The following BCAS3 variants were observed in gnomAD, a reference collection of about 807,000 sequenced individuals.
The protein encoded by BCAS3 is BCAS4/BCAS3 fusion.
In BCAS3, 53 loss-of-function variants were observed where a neutral mutation model predicts 116.1. That is an observed-to-expected ratio of 0.46 (90% CI 0.37 to 0.57). The LOEUF (loss-of-function observed/expected upper bound fraction) is 0.57. Among genes scored for constraint, BCAS3 ranks in the 20% least tolerant of loss-of-function variants. The pLI is 0.00. For synonymous variants in BCAS3, 391 were observed against 408.2 expected, an observed-to-expected ratio of 0.96 and a Z score of 0.51; for missense variants, 917 against 1,165.4, an observed-to-expected ratio of 0.79 and a Z score of 3.10.
chr17:61,079,491 A>G (rs2072347110), intron 21 of BCAS3, among the ~76,000 whole-genome samples: 1 of 152,226 alleles, frequency 6.6e-6, no homozygotes, highest in South Asian at 2.1e-4. Flanking sequence ...AGATAAGCCT[A>G]GAGTACGGCC....
At chr17:61,351,548 C>T (rs1009058754) in intron 22 of BCAS3, among the ~76,000 whole-genome samples, 3 of 152,200 alleles carry the variant, frequency 2.0e-5, no homozygotes, top group Admixed American at 6.5e-5. Flanking sequence ...TCCTCTTATA[C>T]AGTGGAGAAA....
At position 61,068,594 on chromosome 17, in the gene BCAS3, T is replaced by C. The variant is rs112115997; in HGVS notation, c.2030-6326T>C. Among the ~76,000 whole-genome samples, 258 of 152,326 alleles carry C rather than the reference T, an allele frequency of 1.7e-3. 1 individual carries two copies. Among genetic ancestry groups the C allele is most frequent in the African/African-American group, 5.4e-3 (224 of 41,572 alleles). Reference sequence around the variant, plus strand: ...CACAGACCTGGCTGTACAGACACACTATGTGCACACCATTTCTACTCTTGT... The same window carrying C: ...CACAGACCTGGCTGTACAGACACACCATGTGCACACCATTTCTACTCTTGT... On this transcript the variant is annotated intron_variant, in intron 19 of 23. Transcript: ENST00000407086. The surrounding 1 kb of genome is among the most constrained non-coding windows in gnomAD (Gnocchi z 4.3).
intron 22 of BCAS3, chr17:61,159,565 C>T (rs1302722529): frequency 6.6e-6 from 1 of 152,156 alleles, no homozygotes; most frequent in Non-Finnish European, 1.5e-5. Context: ...TTTTAACATC[C>T]TTGAGGAGGT....
chr17:60,742,677 C>T (rs1268887809), intron 5 of BCAS3, among the ~76,000 whole-genome samples: 2 of 151,738 alleles, frequency 1.3e-5, no homozygotes, highest in Non-Finnish European at 1.5e-5. Flanking sequence ...AAGTGTTCCA[C>T]CCACCTTGGC....
At chr17:60,794,594 G>A (rs1273044274) in intron 6 of BCAS3, among the ~76,000 whole-genome samples, 3 of 152,150 alleles carry the variant, frequency 2.0e-5, no homozygotes, top group Non-Finnish European at 4.4e-5. Flanking sequence ...GGTGAGAGGT[G>A]AGGATCCAGT....
At chr17:60,881,566 A>G (rs1198061091) in intron 9 of BCAS3, among the ~76,000 whole-genome samples, 3 of 149,354 alleles carry the variant, frequency 2.0e-5, no homozygotes, top group Non-Finnish European at 4.5e-5. Context: ...CATTAGGTAT[A>G]TCTCGCAGTG....
chr17:60,840,121 A>G (rs559851069), intron 7 of BCAS3, among the ~76,000 whole-genome samples: 2 of 152,264 alleles, frequency 1.3e-5, no homozygotes, highest in African/African-American at 2.4e-5. Context: ...CCCAAATGTA[A>G]AGAAAAAACA....
intron 12 of BCAS3, among the ~76,000 whole-genome samples, chr17:60,917,179 C>G (rs932357053): frequency 6.6e-6 from 1 of 152,048 alleles, no homozygotes; most frequent in Non-Finnish European, 1.5e-5. Context: ...TATTATTTAA[C>G]AATATAAAAT....
Position 60,875,906 on chromosome 17 carries a change from A to G in BCAS3, c.661+1168A>G, listed in dbSNP as rs114102348. On this transcript the variant is annotated intron_variant, in intron 9 of 23. Transcript: ENST00000407086. ...CATTTATTATCTAGTTTCAACAACT[A>G]TCAAATAATGGACAGTCTTTTTCAT... Among the ~76,000 whole-genome samples the G allele has an allele frequency of 3.8e-3, 574 of 152,172 alleles. 3 individuals are homozygous for G. The highest frequency in any genetic ancestry group is 0.013 in the African/African-American group (544 of 41,582).
At position 61,038,031 on chromosome 17, in the gene BCAS3, T is replaced by G. The variant is rs2067179807; in HGVS notation, c.1905T>G (p.Pro635=). Residue 635 remains proline, a synonymous_variant, in exon 18 of 24, where the codon CCT becomes CCG. Coordinates refer to ENST00000407086, the MANE Select transcript of BCAS3 (RefSeq NM_017679.5). ...CACCACTGGAAATGATGACATCGCC[T>G]CGAGCCAGCTGGACTCTGGTTAGGT... ...DDTPLEMMTS[P]RASWTLVRTP... 6.2e-7 allele frequency: 1 copy of G among 1,614,036 alleles called. No individual in the cohort carries two copies. The highest frequency in any genetic ancestry group is 1.3e-5 in the African/African-American group (1 of 74,934).
intron 22 of BCAS3, among the ~76,000 whole-genome samples, chr17:61,172,409 G>A (rs562947245): frequency 1.3e-5 from 2 of 152,242 alleles, no homozygotes; most frequent in South Asian, 4.1e-4. Flanking sequence ...CGAGGCGGGC[G>A]GATCACGAGG....
In BCAS3 at chr17:61,381,009, G is replaced by T. The variant is rs190444547; in HGVS notation, c.2594-10968G>T. ...TGCTGTCTCTATTTTTACATCATTA[G>T]ATTAGCCCCGACTCCTGGCCACTTG... On this transcript the variant is annotated intron_variant, in intron 23 of 23. Coordinates refer to ENST00000407086, the MANE Select transcript of BCAS3 (RefSeq NM_017679.5). This position sits in a 1 kb window ranked among gnomAD's most constrained non-coding sequence, Gnocchi z 6.0. 1.3e-5 allele frequency among the ~76,000 whole-genome samples: 2 copies of T among 152,320 alleles called. No homozygotes were observed. Among genetic ancestry groups the T allele is most frequent in the East Asian group, 3.9e-4 (2 of 5,182 alleles).
In BCAS3 at chr17:61,339,292, C is replaced by T. The variant is rs956119311; in HGVS notation, c.2426-29035C>T. Among the ~76,000 whole-genome samples, 1 of 152,198 alleles carries T rather than the reference C, an allele frequency of 6.6e-6. No individual in the cohort carries two copies. The highest frequency in any genetic ancestry group is 2.4e-5 in the African/African-American group (1 of 41,444). ...TTCATCCCAGGTCACACCCAAAAGC[C>T]AATGAAGAAAGGGTTTTGGTTTGGT... On this transcript the variant is annotated intron_variant, in intron 22 of 23. Transcript: ENST00000407086. The surrounding 1 kb of genome is among the most constrained non-coding windows in gnomAD (Gnocchi z 4.4).
chr17:60,822,157 G>A (rs913380865), intron 7 of BCAS3, among the ~76,000 whole-genome samples: 89 of 152,146 alleles, frequency 5.8e-4, no homozygotes, highest in Admixed American at 1.6e-3. Context: ...TCACATGTTA[G>A]ATGCATGCTT....
rs60854011 is a variant in BCAS3 at position 60,770,834 on chromosome 17, G to GTTTTTTT, written c.403+23580_403+23586dup. Among the ~76,000 whole-genome samples, 72 of 76,780 alleles carry GTTTTTTT rather than the reference G, an allele frequency of 9.4e-4. 3 individuals carry two copies. The highest frequency in any genetic ancestry group is 1.9e-3 in the Non-Finnish European group (58 of 30,146). 50.4% of individuals were successfully genotyped at this position (76,780 alleles called of 152,430 possible). A position where few individuals can be genotyped will look rare whatever the true frequency, so the allele number is the denominator to read the frequency against. ...GATCTTGAACCTAAAACTGAAATTT[G>GTTTTTTT]TTTTTTTTTTTTTTTTTTTTTTTTT... On this transcript the variant is annotated intron_variant, in intron 6 of 23. Coordinates refer to ENST00000407086, the MANE Select transcript of BCAS3 (RefSeq NM_017679.5).
chr17:60,878,001 GTCTTTTTTTT>G (rs2055772137), intron 9 of BCAS3, among the ~76,000 whole-genome samples: 2 of 146,362 alleles, frequency 1.4e-5, no homozygotes, highest in Admixed American at 1.3e-4. Context: ...GCCCAGTAAT[GTCTTTTTTTT>G]TCTTTTTTTT....
At chr17:61,246,937 T>C (rs1602167757) in intron 22 of BCAS3, among the ~76,000 whole-genome samples, 2 of 152,232 alleles carry the variant, frequency 1.3e-5, no homozygotes, top group East Asian at 3.9e-4. Context: ...TTTCATATAG[T>C]TTCTGGTGGG....
At chr17:60,735,393 T>C (rs978457149) in intron 5 of BCAS3, among the ~76,000 whole-genome samples, 3 of 147,254 alleles carry the variant, frequency 2.0e-5, no homozygotes, top group Non-Finnish European at 4.4e-5. Context: ...CTGATCTTAG[T>C]GGAACTGCTT....
At position 61,171,391 on chromosome 17, in the gene BCAS3, T is replaced by C. The variant is rs952364207; in HGVS notation, c.2425+86827T>C. 6.6e-6 allele frequency among the ~76,000 whole-genome samples: 1 copy of C among 151,936 alleles called. No individual in the cohort carries two copies. The highest frequency in any genetic ancestry group is 1.5e-5 in the Non-Finnish European group (1 of 67,972). On this transcript the variant is annotated intron_variant, in intron 22 of 23. Transcript: ENST00000407086. The surrounding 1 kb of genome is among the most constrained non-coding windows in gnomAD (Gnocchi z 4.1). Reference sequence around the variant, plus strand: ...AGAAAAAAATGGAACAAAGAATAAATGTATGAACTAATAGAAAACATTTAG... The same window carrying C: ...AGAAAAAAATGGAACAAAGAATAAACGTATGAACTAATAGAAAACATTTAG...
Sources: allele counts gnomAD v4.1 joint callset (sites outside exome capture counted in the v4.1 genomes callset), GRCh38; gene constraint gnomAD v4.1.1; non-coding constraint Gnocchi (gnomAD v3.1); transcripts MANE v1.5; gene names NCBI Gene and HGNC (gene_info 2026-07-23, HGNC 2026-07-21).